The following STXBP3 variants were observed in gnomAD, a reference collection of about 807,000 sequenced individuals.
The protein encoded by STXBP3 is syntaxin binding protein 3, also known as syntaxin-binding protein 3.
STXBP3 carries 41 observed loss-of-function variants against 85.7 expected under a neutral mutation model. The ratio of observed to expected loss-of-function variants is 0.48; its 90% CI spans 0.37 to 0.62. The LOEUF (loss-of-function observed/expected upper bound fraction) is 0.62, where lower values mean the gene tolerates loss of function less well. Among genes scored for constraint, STXBP3 ranks in the 20% least tolerant of loss-of-function variants. STXBP3 has a pLI of 0.00. For synonymous variants in STXBP3, 229 were observed against 231.7 expected (o/e 0.99, Z 0.10); for missense variants, 563 against 703.1 (o/e 0.80, Z 2.25).
chr1:108,808,631 A>G (rs1335218047), intron 18 of STXBP3, 152 bp from the exon 19 acceptor site: 14 of 706,160 alleles, frequency 2.0e-5, no homozygotes, highest in Non-Finnish European at 3.0e-5. Context: ...ATATTGCAGC[A>G]TAGGCAGATT....
At chr1:108,803,544 A>G (rs1277036) in intron 17 of STXBP3, among the ~76,000 whole-genome samples, 43,510 of 151,806 alleles carry the variant, frequency 0.29, 7,159 homozygotes, top group East Asian at 0.77. Context: ...GCCGCAGTGC[A>G]GTGGCACGAT....
At chr1:108,791,792 C>T (rs752094539) in intron 11 of STXBP3, among the ~76,000 whole-genome samples, 2 of 152,102 alleles carry the variant, frequency 1.3e-5, no homozygotes, top group Admixed American at 6.6e-5. Flanking sequence ...TCCTCATGCC[C>T]GTTTGCAGAT....
chr1:108,794,654 C>T (rs1663051080), intron 12 of STXBP3, among the ~76,000 whole-genome samples, 173 bp from the exon 13 acceptor site: 1 of 152,214 alleles, frequency 6.6e-6, no homozygotes, highest in African/African-American at 2.4e-5. Flanking sequence ...AACCATTTCA[C>T]CTGTAAATCA....
intron 1 of STXBP3, 115 bp from the exon 2 acceptor site, chr1:108,752,142 T>C: frequency 1.1e-6 from 1 of 898,656 alleles, no homozygotes; most frequent in Non-Finnish European, 1.7e-6. Flanking sequence ...TATGTATGCT[T>C]TTTATGTAGT....
At chr1:108,784,475 C>A (rs1033121502) in intron 11 of STXBP3, among the ~76,000 whole-genome samples, 2 of 152,144 alleles carry the variant, frequency 1.3e-5, no homozygotes, top group Admixed American at 6.5e-5. Context: ...GGGCAAACCG[C>A]CCCCATGATT....
intron 17 of STXBP3, among the ~76,000 whole-genome samples, chr1:108,800,620 A>T (rs1318425717): frequency 6.6e-6 from 1 of 152,218 alleles, no homozygotes; most frequent in Non-Finnish European, 1.5e-5. Context: ...AGAGAATGTT[A>T]CAATGCATAC....
intron 11 of STXBP3, among the ~76,000 whole-genome samples, chr1:108,790,607 G>C (rs1662953840): frequency 6.6e-6 from 1 of 151,070 alleles, no homozygotes; most frequent in African/African-American, 2.4e-5. Flanking sequence ...CTAGTATCTT[G>C]TTTTCACTTC....
chr1:108,793,405 T>C (rs1404745372), intron 11 of STXBP3, among the ~76,000 whole-genome samples, 177 bp from the exon 12 acceptor site: 2 of 152,108 alleles, frequency 1.3e-5, no homozygotes, highest in African/African-American at 4.8e-5. Context: ...AATGTTGATA[T>C]CAGCTACGTT....
intron 1 of STXBP3, among the ~76,000 whole-genome samples, chr1:108,751,475 C>CT (rs547891242): frequency 4.2e-4 from 64 of 151,962 alleles, no homozygotes; most frequent in African/African-American, 1.5e-3. Context: ...AATAGAAAAG[C>CT]TTAAGTTAAT....
At chr1:108,763,225 C>T (rs1352435212) in intron 6 of STXBP3, among the ~76,000 whole-genome samples, 1 of 152,214 alleles carries the variant, frequency 6.6e-6, no homozygotes, top group Non-Finnish European at 1.5e-5. Context: ...TAATATTTTA[C>T]ATTAGTAGTT....
intron 2 of STXBP3, among the ~76,000 whole-genome samples, chr1:108,752,811 A>C (rs1011251122): frequency 6.6e-6 from 1 of 152,256 alleles, no homozygotes; most frequent in African/African-American, 2.4e-5. Context: ...GATGTTAAAC[A>C]GTGTCATTCA....
chr1:108,788,191 A>G (rs192505019), intron 11 of STXBP3, among the ~76,000 whole-genome samples: 31 of 152,292 alleles, frequency 2.0e-4, no homozygotes, highest in Admixed American at 1.7e-3. Flanking sequence ...AATGTGATGA[A>G]TTACATTTAT....
chr1:108,771,576 A>G, intron 6 of STXBP3, among the ~76,000 whole-genome samples: 1 of 38,796 alleles, frequency 2.6e-5, no homozygotes, highest in East Asian at 3.3e-4. Context: ...AATATATATG[A>G]TATATATCTA....
At position 108,809,506 on chromosome 1, in the gene STXBP3, A is replaced by C. The variant is rs991211363; in HGVS notation, c.*629A>C. 2.6e-5 allele frequency: 4 copies of C among 152,344 alleles called. No homozygotes were observed. The highest frequency in any genetic ancestry group is 9.6e-5 in the African/African-American group (4 of 41,562). 9.4% of individuals were successfully genotyped at this position (152,344 alleles called of 1,614,324 possible). A position where few individuals can be genotyped will look rare whatever the true frequency, so the allele number is the denominator to read the frequency against. On this transcript the variant is annotated 3_prime_UTR_variant, in exon 19 of 19. Transcript: ENST00000370008. ...ATCATGAACATTCTAAGAGAAAATA[A>C]ATATAGAATTTAAAAAATTATTCTG...
In STXBP3 at chr1:108,807,392, A is replaced by G. The variant is rs548676272; in HGVS notation, c.1536-9A>G. On this transcript the variant is annotated splice_polypyrimidine_tract_variant and intron_variant, in intron 17 of 18. Coordinates refer to ENST00000370008, the MANE Select transcript of STXBP3 (RefSeq NM_007269.4). ...ATGTTTACTTTTTTTTTTTTAAATT[A>G]CTTTTTAGTGCTCGCCAGAAACCCA... The G allele has an allele frequency of 4.4e-6, 7 of 1,591,028 alleles. No homozygotes were observed. The South Asian group carries it at 5.8e-5, about 13-fold the overall frequency.
intron 11 of STXBP3, among the ~76,000 whole-genome samples, chr1:108,793,306 C>T (rs1199782710): frequency 6.6e-6 from 1 of 151,794 alleles, no homozygotes; most frequent in Non-Finnish European, 1.5e-5. Context: ...CTTCACTCAG[C>T]TGTCTCAGCT....
intron 16 of STXBP3, 62 bp from the exon 17 acceptor site, chr1:108,800,158 A>G: frequency 8.4e-7 from 1 of 1,193,170 alleles, no homozygotes; most frequent in African/African-American, 1.5e-5. Context: ...TTTGACCTTT[A>G]TGCCAAACAA....
At chr1:108,766,762 G>A (rs1662272008) in intron 6 of STXBP3, 1 of 200,806 alleles carries the variant, frequency 5.0e-6, no homozygotes, top group Non-Finnish European at 1.0e-5. Context: ...ACCATAGTAA[G>A]CAGAAAGCCT....
At chr1:108,757,021 A>G (rs1662036106) in intron 4 of STXBP3, 2 of 251,534 alleles carry the variant, frequency 8.0e-6, no homozygotes, top group South Asian at 1.1e-4. Context: ...ATTTCTTTGC[A>G]TGTTTTGTTT....
Sources: gnomAD v4.1 joint callset for allele counts (sites outside exome capture counted in the v4.1 genomes callset) on GRCh38, gnomAD v4.1.1 for gene constraint, MANE v1.5 for transcripts, NCBI Gene and HGNC (gene_info 2026-07-23, HGNC 2026-07-21) for gene names.